CACNA2D3: variants seen among roughly 807,000 people sequenced by gnomAD.
The protein encoded by CACNA2D3 is voltage-dependent calcium channel subunit alpha-2/delta-3.
CACNA2D3 carries 60 observed loss-of-function variants against 160.6 expected under a neutral mutation model. The observed-to-expected ratio is 0.37, with a 90% CI of 0.30 to 0.46. The LOEUF is 0.46. CACNA2D3 is among the 20% of genes least tolerant of loss of function. The pLI is 1.00. For missense variants in CACNA2D3, 1,205 were observed against 1,365.0 expected, an observed-to-expected ratio of 0.88 and a Z score of 1.85; for synonymous variants, 558 against 492.9, an observed-to-expected ratio of 1.13 and a Z score of -1.75.
intron 10 of CACNA2D3, among the ~76,000 whole-genome samples, chr3:54,633,015 C>T (rs1487969989): frequency 6.6e-6 from 1 of 152,114 alleles, no homozygotes; most frequent in Admixed American, 6.6e-5. Context: ...CATGTGCAGT[C>T]GGAGTTGCAG....
intron 2 of CACNA2D3, among the ~76,000 whole-genome samples, chr3:54,167,087 A>C (rs566851376): frequency 6.6e-6 from 1 of 152,182 alleles, no homozygotes; most frequent in Non-Finnish European, 1.5e-5. Context: ...AAGAATTTCT[A>C]TGTACAGAGT....
chr3:54,817,988 C>G lies in CACNA2D3; in HGVS notation c.1398+1118C>G, dbSNP rs1337295189. ...AGAATTCCAGATTGTTTGGAAGGCT[C>G]AATGTCTTTGATAGGACATGCTTTC... On this transcript the variant is annotated intron_variant, in intron 14 of 37. Transcript: ENST00000474759. Among the ~76,000 whole-genome samples the G allele has an allele frequency of 2.6e-5, 4 of 152,146 alleles. No homozygotes were observed. The South Asian group carries it at 8.3e-4, about 32-fold the overall frequency.
intron 4 of CACNA2D3, among the ~76,000 whole-genome samples, chr3:54,436,574 T>C (rs1404522911): frequency 3.9e-5 from 6 of 152,172 alleles, no homozygotes; most frequent in Non-Finnish European, 8.8e-5. Context: ...GTGGCACATA[T>C]ACACCATGGA....
intron 2 of CACNA2D3, among the ~76,000 whole-genome samples, chr3:54,141,359 A>G (rs959977267): frequency 6.6e-6 from 1 of 152,098 alleles, no homozygotes; most frequent in Non-Finnish European, 1.5e-5. Context: ...CTCCCTGTGT[A>G]TGTATCATCT....
intron 14 of CACNA2D3, among the ~76,000 whole-genome samples, chr3:54,821,634 GTCTTTCGTTCTTTCTTTCTTTCTT>G (rs1403741098): frequency 2.1e-5 from 3 of 140,396 alleles, no homozygotes; most frequent in African/African-American, 7.7e-5. Context: ...TTTTTCTAGA[GTCTTTCGTTCTTTCTTTCTTTCTT>G]TCTTTCTTTC....
chr3:54,684,733 C>T (rs1700418400), intron 11 of CACNA2D3, among the ~76,000 whole-genome samples: 1 of 136,562 alleles, frequency 7.3e-6, no homozygotes, highest in South Asian at 2.7e-4. Flanking sequence ...AATTAAAAAC[C>T]ATTATTAAAC....
At chr3:54,250,743 A>C (rs1702172598) in intron 2 of CACNA2D3, among the ~76,000 whole-genome samples, 1 of 152,214 alleles carries the variant, frequency 6.6e-6, no homozygotes, top group Admixed American at 6.5e-5. Context: ...AAGAACAATA[A>C]ATTCATTTTA....
intron 35 of CACNA2D3, among the ~76,000 whole-genome samples, chr3:55,033,710 T>TATATA (rs1703730601): frequency 1.6e-5 from 2 of 126,246 alleles, no homozygotes; most frequent in Non-Finnish European, 1.6e-5. Flanking sequence ...ATATATATAA[T>TATATA]ATATATTATA....
In CACNA2D3 at chr3:54,764,219, AT is replaced by A; in HGVS notation, c.1254del (p.Phe418LeufsTer50). The A allele has an allele frequency of 6.2e-7, 1 of 1,612,970 alleles. No homozygotes were observed. The highest frequency in any genetic ancestry group is 8.5e-7 in the Non-Finnish European group (1 of 1,179,550). ...TGGCCCTCCCTTGGGTTTTGACAGG[AT>A]TTTTTACCCAGATCTCCACCTTGGC... is the stretch of plus-strand genomic sequence containing the variant. ...LKWMACANKG[F>X]FTQISTLADV... On this transcript the variant is annotated frameshift_variant and splice_region_variant, in exon 13 of 38. Coordinates refer to ENST00000474759, the MANE Select transcript of CACNA2D3 (RefSeq NM_018398.3). LOFTEE classifies it high-confidence loss of function.
chr3:54,381,632 G>A (rs1329840747), intron 3 of CACNA2D3, among the ~76,000 whole-genome samples: 1 of 152,168 alleles, frequency 6.6e-6, no homozygotes, highest in Non-Finnish European at 1.5e-5. Flanking sequence ...AGTGTCGCGG[G>A]GAGGAAACGG....
At chr3:54,626,701 AAAAAAAAAG>A (rs1699121208) in intron 9 of CACNA2D3, 6 of 747,218 alleles carry the variant, frequency 8.0e-6, no homozygotes, top group African/African-American at 5.6e-5. Flanking sequence ...AAAAAAAAAA[AAAAAAAAAG>A]AAAGAAAAAG....
chr3:54,210,619 G>A (rs1701355571), intron 2 of CACNA2D3, among the ~76,000 whole-genome samples: 1 of 152,202 alleles, frequency 6.6e-6, no homozygotes, highest in South Asian at 2.1e-4. Context: ...GACTTGGAAA[G>A]ACAGTGAAAT....
chr3:54,265,567 A>G (rs901788891), intron 2 of CACNA2D3, among the ~76,000 whole-genome samples: 2 of 146,538 alleles, frequency 1.4e-5, no homozygotes, highest in African/African-American at 5.2e-5. Flanking sequence ...TATAGTGTGT[A>G]TATATATAGT....
rs180889175 is a variant in CACNA2D3, at chr3:54,490,219, A to G, written c.382-13273A>G. ...GCAGGCACTGTGTGGTGACTTGTGT[A>G]CATTGTATCCCATTCGATCACAGAA... On this transcript the variant is annotated intron_variant, in intron 4 of 37. Coordinates refer to ENST00000474759, the MANE Select transcript of CACNA2D3 (RefSeq NM_018398.3). 3.5e-3 allele frequency among the ~76,000 whole-genome samples: 526 copies of G among 152,348 alleles called. 3 individuals carry two copies. The highest frequency in any genetic ancestry group is 0.012 in the African/African-American group (502 of 41,584).
chr3:54,674,333 G>C (rs1222562662), intron 11 of CACNA2D3, among the ~76,000 whole-genome samples: 1 of 140,496 alleles, frequency 7.1e-6, no homozygotes, highest in African/African-American at 2.7e-5. Flanking sequence ...ATTTGTGAGG[G>C]AGTTAAAGAG....
In CACNA2D3 at chr3:54,802,837, G is replaced by A. The variant is rs150570698; in HGVS notation, c.1381-14016G>A. ...GTAGGGGCAGACTGACATCTCACAC[G>A]GCCGGGTACTCCTCTGAGACAAAAC... On this transcript the variant is annotated intron_variant, in intron 13 of 37. Coordinates refer to ENST00000474759, the MANE Select transcript of CACNA2D3 (RefSeq NM_018398.3). Among the ~76,000 whole-genome samples the A allele has an allele frequency of 3.7e-3, 560 of 152,266 alleles. 4 individuals are homozygous for A. Among genetic ancestry groups the A allele is most frequent in the African/African-American group, 0.013 (544 of 41,548 alleles).
chr3:54,712,195 T>C (rs1700965094), intron 11 of CACNA2D3, among the ~76,000 whole-genome samples: 1 of 152,252 alleles, frequency 6.6e-6, no homozygotes, highest in East Asian at 1.9e-4. Flanking sequence ...TTCCTGTTTA[T>C]GTTGTAACAA....
chr3:54,541,278 G>GAAAAAAAAAAAAAAAAAAAAAAAA (rs141900915), intron 5 of CACNA2D3, among the ~76,000 whole-genome samples: 2 of 81,736 alleles, frequency 2.4e-5, no homozygotes, highest in Admixed American at 1.7e-4. Flanking sequence ...CTCCGTCTCA[G>GAAAAAAAAAAAAAAAAAAAAAAAA]AAAAAAAAAA....
At chr3:54,165,177 G>T (rs1053858274) in intron 2 of CACNA2D3, among the ~76,000 whole-genome samples, 4 of 142,016 alleles carry the variant, frequency 2.8e-5, no homozygotes, top group African/African-American at 1.1e-4. Context: ...TTTTGATGGG[G>T]ACTTGAATGG....
Sources: gnomAD v4.1 joint callset for allele counts (sites outside exome capture counted in the v4.1 genomes callset) on GRCh38, gnomAD v4.1.1 for gene constraint, MANE v1.5 for transcripts, NCBI Gene and HGNC (gene_info 2026-07-23, HGNC 2026-07-21) for gene names.